ARHGEF16: variants seen among roughly 807,000 people sequenced by gnomAD.
ARHGEF16 encodes Rho guanine exchange factor (GEF) 16.
In ARHGEF16, 59 loss-of-function variants were observed where a neutral mutation model predicts 74.1. The ratio of observed to expected loss-of-function variants is 0.80; its 90% CI spans 0.65 to 0.99. The LOEUF (loss-of-function observed/expected upper bound fraction) is 0.99, where lower values mean the gene tolerates loss of function less well. Among genes scored for constraint, ARHGEF16 ranks in the 50% least tolerant of loss-of-function variants. The pLI, the probability that ARHGEF16 is intolerant of heterozygous loss-of-function variation, is 0.00. For missense variants in ARHGEF16, 948 were observed against 986.6 expected, an observed-to-expected ratio of 0.96 and a Z score of 0.52; for synonymous variants, 415 against 412.6, an observed-to-expected ratio of 1.01 and a Z score of -0.07.
chr1:3,476,822 G>A (rs1024488206), intron 10 of ARHGEF16, among the ~76,000 whole-genome samples: 1 of 152,108 alleles, frequency 6.6e-6, no homozygotes, highest in African/African-American at 2.4e-5. Context: ...GGTCCCAGCT[G>A]GGGGAGGGGG....
chr1:3,462,673 T>A (rs1289882834), intron 1 of ARHGEF16, among the ~76,000 whole-genome samples: 1 of 152,190 alleles, frequency 6.6e-6, no homozygotes, highest in African/African-American at 2.4e-5. Context: ...TCCAGGGCCA[T>A]GCACCTGAGC....
rs114258996 is a variant in ARHGEF16 at position 3,457,604 on chromosome 1, G to A, written c.-20+2793G>A. 2.2e-3 allele frequency among the ~76,000 whole-genome samples: 331 copies of A among 152,342 alleles called. 3 individuals are homozygous for A. The highest frequency in any genetic ancestry group is 7.2e-3 in the African/African-American group (299 of 41,574). On this transcript the variant is annotated intron_variant, in intron 1 of 14. Coordinates refer to ENST00000378378, the MANE Select transcript of ARHGEF16 (RefSeq NM_014448.4). Reference sequence around the variant, plus strand: ...GGGCAGGAGGGCGGGGCTACAGAGCGGCCCACCCAACCAACACTGGGTCCG... The same window carrying A: ...GGGCAGGAGGGCGGGGCTACAGAGCAGCCCACCCAACCAACACTGGGTCCG...
chr1:3,469,863 T>A (rs1247983488), intron 6 of ARHGEF16, among the ~76,000 whole-genome samples: 1 of 152,046 alleles, frequency 6.6e-6, no homozygotes, highest in South Asian at 2.1e-4. Context: ...GGTACAACCC[T>A]GCCCCACTGC....
intron 6 of ARHGEF16, among the ~76,000 whole-genome samples, chr1:3,472,585 C>T (rs1639757520): frequency 6.6e-6 from 1 of 152,226 alleles, no homozygotes; most frequent in Non-Finnish European, 1.5e-5. Flanking sequence ...CCAGGCATCG[C>T]CCCTCTTTGC....
intron 2 of ARHGEF16, among the ~76,000 whole-genome samples, chr1:3,465,405 G>C (rs1639512221): frequency 1.3e-5 from 2 of 152,154 alleles, no homozygotes; most frequent in South Asian, 4.1e-4. Flanking sequence ...GACGGAGTCG[G>C]GGTGGGGGAG....
intron 5 of ARHGEF16, 132 bp downstream of exon 5, chr1:3,469,068 C>G: frequency 8.7e-7 from 1 of 1,149,288 alleles, no homozygotes; most frequent in African/African-American, 1.5e-5. Flanking sequence ...CCCTGTCACG[C>G]TGACCAGCGC....
In ARHGEF16 at chr1:3,468,830, C is replaced by T. The variant is rs774642234; in HGVS notation, c.805-50C>T. On this transcript the variant is annotated intron_variant, in intron 4 of 14. Coordinates refer to ENST00000378378, the MANE Select transcript of ARHGEF16 (RefSeq NM_014448.4). ...GGAGGAAAGAAGGGAGACTTTGGCCCAGGCTTCTAGGACGTGTGACCGAGA... is the reference window on the plus strand; with the variant it reads ...GGAGGAAAGAAGGGAGACTTTGGCCTAGGCTTCTAGGACGTGTGACCGAGA... 3.9e-5 allele frequency: 61 copies of T among 1,547,056 alleles called. 1 individual carries two copies. The African/African-American group carries it at 6.6e-4, about 17-fold the overall frequency.
Position 3,473,121 on chromosome 1 carries a change from G to A in ARHGEF16, c.1066G>A (p.Val356Ile). 3 of 1,613,476 alleles carry A rather than the reference G, an allele frequency of 1.9e-6. No individual in the cohort carries two copies. Among genetic ancestry groups the A allele is most frequent in the Non-Finnish European group, 2.5e-6 (3 of 1,179,998 alleles). ...GCAGCGGCACAAGGCCCAGGTGCTG[G>A]TCGAGGACATCAGTGACATCCTGGA... ...LEQRHKAQVL[V>I]EDISDILEEH... The change falls in exon 7 of 15, where the codon GTC becomes ATC. Residue 356 changes from valine (V) to isoleucine (I), a missense_variant. Transcript: ENST00000378378.
intron 8 of ARHGEF16, 123 bp downstream of exon 8, chr1:3,473,645 G>A: frequency 6.7e-7 from 1 of 1,484,686 alleles, no homozygotes; most frequent in Non-Finnish European, 9.2e-7. Context: ...CTATGATATT[G>A]TAATAGTTAC....
intron 6 of ARHGEF16, among the ~76,000 whole-genome samples, chr1:3,472,440 G>GC (rs35594591): frequency 0.025 from 3,849 of 151,394 alleles, 62 homozygotes; most frequent in Middle Eastern, 0.038. Flanking sequence ...CCCACAGCTG[G>GC]CCCCCCCCCG....
chr1:3,465,334 C>T lies in ARHGEF16; in HGVS notation c.589-814C>T, dbSNP rs1300862295. Among the ~76,000 whole-genome samples, 6 of 152,306 alleles carry T rather than the reference C, an allele frequency of 3.9e-5. No individual in the cohort carries two copies. In the East Asian group the frequency reaches 9.7e-4, roughly 25 times the overall value. On this transcript the variant is annotated intron_variant, in intron 2 of 14. Transcript: ENST00000378378. Reference sequence around the variant, plus strand: ...CACAGAGGAGGGGGCTCCCCATGGCCTCGGGTCAGGGTAGGGTCCCGGAGG... The same window carrying T: ...CACAGAGGAGGGGGCTCCCCATGGCTTCGGGTCAGGGTAGGGTCCCGGAGG...
intron 1 of ARHGEF16, among the ~76,000 whole-genome samples, chr1:3,462,669 G>T (rs1256096920): frequency 1.3e-5 from 2 of 152,206 alleles, no homozygotes; most frequent in Non-Finnish European, 2.9e-5. Flanking sequence ...GGGCTCCAGG[G>T]CCATGCACCT....
At chr1:3,478,374 TG>T in intron 11 of ARHGEF16, 49 bp from the exon 12 acceptor site, 2 of 1,531,350 alleles carry the variant, frequency 1.3e-6, no homozygotes, top group South Asian at 2.5e-5. Flanking sequence ...CCAGCAGCAC[TG>T]GGTAGGAGCT....
At chr1:3,471,866 T>C in intron 6 of ARHGEF16, 1 of 1,028,892 alleles carries the variant, frequency 9.7e-7, no homozygotes, top group Non-Finnish European at 1.2e-6. Flanking sequence ...CTGACCGGCC[T>C]GGCCGGCCTG....
At chr1:3,467,667 A>G (rs6667361) in intron 4 of ARHGEF16, among the ~76,000 whole-genome samples, 117,058 of 152,164 alleles carry the variant, frequency 0.77, 46,670 homozygotes, top group Non-Finnish European at 0.88. Flanking sequence ...TGATCTGCGT[A>G]GGGAGACAGC....
intron 2 of ARHGEF16, among the ~76,000 whole-genome samples, chr1:3,464,815 T>A (rs1639498342): frequency 6.6e-6 from 1 of 152,148 alleles, no homozygotes; most frequent in Non-Finnish European, 1.5e-5. Flanking sequence ...AGCGTCTTCT[T>A]CACTGGTTGC....
chr1:3,462,460 C>G (rs1270429902), intron 1 of ARHGEF16, among the ~76,000 whole-genome samples: 3 of 152,184 alleles, frequency 2.0e-5, no homozygotes, highest in Non-Finnish European at 4.4e-5. Flanking sequence ...CCTGCCCTCC[C>G]CCCAACCCAG....
In ARHGEF16 at chr1:3,468,890, T is replaced by C; in HGVS notation, c.815T>C (p.Leu272Ser). The part of the protein sequence containing the change: ...TWSQLPEVVE[L>S]GILDQLSTEE... ...CCTGTGTCCCCCCAGGTGGTGGAAT[T>C]GGGCATCCTGGACCAGCTCTCCACT... The change falls in exon 5 of 15, where the codon TTG becomes TCG. Residue 272 changes from leucine to serine, a missense_variant. Physicochemically the swap from Leu to Ser is moderately radical, Grantham distance 145. Coordinates refer to ENST00000378378, the MANE Select transcript of ARHGEF16 (RefSeq NM_014448.4). 2 of 1,550,316 alleles carry C rather than the reference T, an allele frequency of 1.3e-6. No individual in the cohort carries two copies. The highest frequency in any genetic ancestry group is 1.7e-6 in the Non-Finnish European group (2 of 1,146,844).
intron 12 of ARHGEF16, 102 bp from the exon 13 acceptor site, chr1:3,479,415 A>G (rs1343664609): frequency 1.7e-6 from 2 of 1,159,972 alleles, no homozygotes; most frequent in African/African-American, 1.6e-5. Context: ...CACCACCCCC[A>G]TCTCCTTGCC....
Sources: allele counts gnomAD v4.1 joint callset (sites outside exome capture counted in the v4.1 genomes callset), GRCh38; gene constraint gnomAD v4.1.1; transcripts MANE v1.5; gene names NCBI Gene and HGNC (gene_info 2026-07-23, HGNC 2026-07-21).